HTR2C: variants seen among roughly 807,000 people sequenced by gnomAD.
HTR2C encodes 5-hydroxytryptamine (serotonin) receptor 2C, G protein-coupled.
HTR2C carries 5 observed loss-of-function variants against 21.0 expected under a neutral mutation model. That is an observed-to-expected ratio of 0.24 (90% CI 0.12 to 0.50). The LOEUF (loss-of-function observed/expected upper bound fraction) is 0.50. Among genes scored for constraint, HTR2C ranks in the 20% least tolerant of loss-of-function variants. HTR2C has a pLI of 0.98. For synonymous variants in HTR2C, 150 were observed against 145.3 expected (o/e 1.03, Z -0.23); for missense variants, 271 against 371.2 (o/e 0.73, Z 2.22).
chrX:114,758,500 G>A (rs1052195555), intron 4 of HTR2C, among the ~76,000 whole-genome samples: 1 of 111,257 alleles, frequency 9.0e-6, no homozygotes, highest in Non-Finnish European at 1.9e-5. Flanking sequence ...AATTCAGGCT[G>A]CAGTGACCTA....
At chrX:114,678,381 C>T (rs1371938975) in intron 2 of HTR2C, among the ~76,000 whole-genome samples, 2 of 110,672 alleles carry the variant, frequency 1.8e-5, no homozygotes, top group African/African-American at 6.6e-5. Context: ...TCAACCTTCC[C>T]ACCTATATTC....
chrX:114,603,838 A>G (rs1928259559), intron 1 of HTR2C, among the ~76,000 whole-genome samples: 1 of 98,781 alleles, frequency 1.0e-5, no homozygotes, highest in South Asian at 5.4e-4. Flanking sequence ...ATAGGAGAGT[A>G]TATGGGTTTG....
At chrX:114,591,721 C>A (rs1367488256) in intron 1 of HTR2C, among the ~76,000 whole-genome samples, 1 of 111,929 alleles carries the variant, frequency 8.9e-6, no homozygotes, top group Non-Finnish European at 1.9e-5. Flanking sequence ...GGAATTTCAG[C>A]AATGGCTTAG....
intron 4 of HTR2C, among the ~76,000 whole-genome samples, chrX:114,750,087 T>A (rs782646973): frequency 8.9e-6 from 1 of 111,895 alleles, no homozygotes; most frequent in African/African-American, 3.2e-5. Context: ...AGTTGACGCA[T>A]CTGTGTGTAA....
chrX:114,755,683 T>C (rs904570058), intron 4 of HTR2C, among the ~76,000 whole-genome samples: 3 of 111,306 alleles, frequency 2.7e-5, no homozygotes, highest in Non-Finnish European at 5.6e-5. Context: ...TTTTTCACCC[T>C]ACTACAACTG....
chrX:114,604,660 C>T (rs1556396153), intron 1 of HTR2C, among the ~76,000 whole-genome samples: 1 of 111,032 alleles, frequency 9.0e-6, no homozygotes, highest in East Asian at 2.8e-4. Flanking sequence ...GTGAGTTAAA[C>T]AGTCCGATTT....
intron 4 of HTR2C, among the ~76,000 whole-genome samples, chrX:114,807,904 C>T (rs374621796): frequency 8.6e-4 from 96 of 111,217 alleles, no homozygotes; most frequent in African/African-American, 2.8e-3. Flanking sequence ...ATCTCTTGAC[C>T]TCATGATCCA....
chrX:114,722,320 G>A (rs1933253118), intron 2 of HTR2C, among the ~76,000 whole-genome samples: 1 of 111,231 alleles, frequency 9.0e-6, no homozygotes, highest in African/African-American at 3.3e-5. Context: ...CTCTCTGTCT[G>A]TTATTGGTGT....
rs369374761 is a variant in HTR2C at position 114,618,642 on chromosome X, G to A, written c.-80+4761G>A. On this transcript the variant is annotated intron_variant, in intron 2 of 5. Transcript: ENST00000276198. ...GCCTTTAGTACATATGACTCTAAACGTAACATAGTTCTTTCAAATAAAATA... is the reference window on the plus strand; with the variant it reads ...GCCTTTAGTACATATGACTCTAAACATAACATAGTTCTTTCAAATAAAATA... 9.1e-5 allele frequency among the ~76,000 whole-genome samples: 10 copies of A among 110,333 alleles called. No individual in the cohort carries two copies. In the East Asian group the frequency reaches 1.7e-3, roughly 19 times the overall value.
In HTR2C at chrX:114,748,099, A is replaced by C. The variant is rs1214792700; in HGVS notation, c.349+16492A>C. Among the ~76,000 whole-genome samples, 3 of 112,390 alleles carry C rather than the reference A, an allele frequency of 2.7e-5. No individual in the cohort carries two copies. In the East Asian group the frequency reaches 8.3e-4, roughly 31 times the overall value. On this transcript the variant is annotated intron_variant, in intron 4 of 5. Coordinates refer to ENST00000276198, the MANE Select transcript of HTR2C (RefSeq NM_000868.4). ...TAGGATGCAAAGCCCATATGCACAA[A>C]TAAATTGTGTTTCTATATAGTAGTG...
At chrX:114,720,060 G>A (rs1346523485) in intron 2 of HTR2C, among the ~76,000 whole-genome samples, 1 of 111,713 alleles carries the variant, frequency 9.0e-6, no homozygotes, top group Non-Finnish European at 1.9e-5. Flanking sequence ...GAAGCAGGAT[G>A]GGACCTTTTG....
chrX:114,833,126 A>G (rs2070745302), intron 4 of HTR2C, among the ~76,000 whole-genome samples: 4 of 94,446 alleles, frequency 4.2e-5, no homozygotes, highest in Admixed American at 2.5e-4. Context: ...GGATTTTTGC[A>G]TCAATGTTCA....
intron 2 of HTR2C, among the ~76,000 whole-genome samples, chrX:114,670,963 A>T (rs1556411618): frequency 8.9e-6 from 1 of 112,261 alleles, no homozygotes; most frequent in Non-Finnish European, 1.9e-5. Flanking sequence ...GTTACTGGCT[A>T]TTGTCACTGA....
chrX:114,624,011 C>T (rs782277448), intron 2 of HTR2C, among the ~76,000 whole-genome samples: 4 of 101,165 alleles, frequency 4.0e-5, no homozygotes, highest in South Asian at 5.0e-4. Flanking sequence ...CAGGTTCAAG[C>T]GATTCTCGTG....
At chrX:114,611,340 T>G (rs1392343356) in intron 1 of HTR2C, among the ~76,000 whole-genome samples, 6 of 111,952 alleles carry the variant, frequency 5.4e-5, no homozygotes, top group African/African-American at 2.0e-4. Flanking sequence ...TTAATGTGTA[T>G]TGAGATGATC....
In HTR2C at chrX:114,724,133, A is replaced by G. The variant is rs782178825; in HGVS notation, c.-79-2725A>G. 3.8e-5 allele frequency among the ~76,000 whole-genome samples: 4 copies of G among 104,104 alleles called. No individual in the cohort carries two copies. In the South Asian group the frequency reaches 1.4e-3, roughly 37 times the overall value. The allele number at this position is 104,104 out of a possible 115,157, so 90.4% of individuals were successfully genotyped here. On this transcript the variant is annotated intron_variant, in intron 2 of 5. Transcript: ENST00000276198. ...CAGTGGGGTGTTAAAGTCCTCCATT[A>G]TTATTGTGTGGGAGTCTAAGTCTCT...
chrX:114,848,772 A>C (rs1556468383), intron 5 of HTR2C, among the ~76,000 whole-genome samples: 1 of 111,283 alleles, frequency 9.0e-6, no homozygotes, highest in East Asian at 2.8e-4. Flanking sequence ...ACAAAAAGAA[A>C]AAAAAATTTG....
At chrX:114,797,847 G>A (rs1453447437) in intron 4 of HTR2C, among the ~76,000 whole-genome samples, 1 of 111,759 alleles carries the variant, frequency 8.9e-6, no homozygotes, top group Non-Finnish European at 1.9e-5. Flanking sequence ...AGGACTGAAC[G>A]ATCAGCAATT....
chrX:114,602,410 C>T (rs1407708646), intron 1 of HTR2C, among the ~76,000 whole-genome samples: 30 of 32,680 alleles, frequency 9.2e-4, no homozygotes, highest in African/African-American at 1.3e-3. Context: ...TGTAGCATTC[C>T]GAGGACAGGC....
Sources: gnomAD v4.1 joint callset for allele counts (sites outside exome capture counted in the v4.1 genomes callset) on GRCh38, gnomAD v4.1.1 for gene constraint, MANE v1.5 for transcripts, NCBI Gene and HGNC (gene_info 2026-07-23, HGNC 2026-07-21) for gene names.